BBS9: variants seen among roughly 807,000 people sequenced by gnomAD.
BBS9 encodes Bardet-Biedl syndrome 9.
BBS9 carries 89 observed loss-of-function variants against 117.7 expected under a neutral mutation model. The ratio of observed to expected loss-of-function variants is 0.76; its 90% CI spans 0.64 to 0.90. The LOEUF (loss-of-function observed/expected upper bound fraction) is 0.90, where lower values mean the gene tolerates loss of function less well. Among genes scored for constraint, BBS9 ranks in the 40% least tolerant of loss-of-function variants. The probability of loss-of-function intolerance (pLI) is 0.00; values close to 1 mark genes in which losing one functional copy is unlikely to be tolerated. For synonymous variants in BBS9, 379 were observed against 370.9 expected (o/e 1.02, Z -0.25); for missense variants, 982 against 1,042.2 (o/e 0.94, Z 0.80).
At chr7:33,619,149 G>A (rs1186194089) in intron 21 of BBS9, among the ~76,000 whole-genome samples, 1 of 151,846 alleles carries the variant, frequency 6.6e-6, no homozygotes, top group Non-Finnish European at 1.5e-5. Flanking sequence ...TGAAAATGAA[G>A]GAATGAAAAA....
intron 21 of BBS9, among the ~76,000 whole-genome samples, chr7:33,579,643 C>G (rs1157538987): frequency 6.6e-6 from 1 of 152,064 alleles, no homozygotes; most frequent in Non-Finnish European, 1.5e-5. Flanking sequence ...AACAACCAGA[C>G]TTCAGAATCC....
chr7:33,460,973 T>C (rs1460831532), intron 19 of BBS9, among the ~76,000 whole-genome samples: 1 of 152,090 alleles, frequency 6.6e-6, no homozygotes, highest in East Asian at 1.9e-4. Context: ...TTCATATAAT[T>C]GGAATTATAC....
rs35454084 is a variant in BBS9 at position 33,328,993 on chromosome 7, T to TTTTATTTATTTATTTATTTA, written c.1017-7432_1017-7413dup. On this transcript the variant is annotated intron_variant, in intron 9 of 22. Transcript: ENST00000242067. ...TTAAAAAAGGATAAGGTTTTCCTTC[T>TTTTATTTATTTATTTATTTA]TTTATTTATTTATTTATTTATTTAT... Among the ~76,000 whole-genome samples the TTTTATTTATTTATTTATTTA allele has an allele frequency of 3.6e-4, 52 of 145,442 alleles. 1 individual carries two copies. Among genetic ancestry groups the TTTTATTTATTTATTTATTTA allele is most frequent in the South Asian group, 1.1e-3 (5 of 4,594 alleles).
chr7:33,430,131 C>A (rs1479573339), intron 19 of BBS9, among the ~76,000 whole-genome samples: 1 of 152,168 alleles, frequency 6.6e-6, no homozygotes, highest in Non-Finnish European at 1.5e-5. Context: ...AATAAGCAGA[C>A]TAACACAGAT....
intron 20 of BBS9, among the ~76,000 whole-genome samples, chr7:33,521,368 T>C (rs980027061): frequency 1.3e-5 from 2 of 152,220 alleles, no homozygotes; most frequent in Non-Finnish European, 2.9e-5. Flanking sequence ...TTTCATCCAA[T>C]AGGAGGCAGT....
chr7:33,629,213 G>A (rs1176665627), intron 21 of BBS9, among the ~76,000 whole-genome samples: 3 of 152,164 alleles, frequency 2.0e-5, no homozygotes, highest in South Asian at 2.1e-4. Context: ...GCAAAAACAC[G>A]AATGAGGAGA....
chr7:33,483,088 A>G (rs1025607193), intron 19 of BBS9, among the ~76,000 whole-genome samples: 27 of 150,002 alleles, frequency 1.8e-4, no homozygotes, highest in African/African-American at 6.5e-4. Context: ...TGAAGAATAA[A>G]CACCTTTTCT....
chr7:33,347,685 T>C (rs1817857075), intron 12 of BBS9, among the ~76,000 whole-genome samples: 2 of 151,890 alleles, frequency 1.3e-5, no homozygotes, highest in African/African-American at 4.8e-5. Context: ...CTGAATCTAA[T>C]TATGTGTTCA....
chr7:33,230,696 A>C (rs75318693), intron 5 of BBS9, among the ~76,000 whole-genome samples: 5,788 of 152,248 alleles, frequency 0.038, 198 homozygotes, highest in African/African-American at 0.089. Context: ...TTCCTGAGTT[A>C]CTTCACTAAG....
intron 9 of BBS9, among the ~76,000 whole-genome samples, chr7:33,332,591 C>T (rs530022760): frequency 1.3e-5 from 2 of 152,036 alleles, no homozygotes; most frequent in African/African-American, 4.8e-5. Flanking sequence ...GCAGGAGAAT[C>T]GCTTGAACCC....
chr7:33,519,814 G>C (rs1848338875), intron 20 of BBS9, among the ~76,000 whole-genome samples: 1 of 152,032 alleles, frequency 6.6e-6, no homozygotes, highest in Admixed American at 6.6e-5. Context: ...GGGCCACAGT[G>C]GTCAAGTGTG....
At chr7:33,210,106 T>C (rs928945842) in intron 5 of BBS9, among the ~76,000 whole-genome samples, 1 of 152,228 alleles carries the variant, frequency 6.6e-6, no homozygotes, top group African/African-American at 2.4e-5. Flanking sequence ...TTTTCATTTG[T>C]TTCAAGAACT....
intron 20 of BBS9, among the ~76,000 whole-genome samples, chr7:33,519,234 AC>A (rs1848252347): frequency 6.6e-6 from 1 of 152,132 alleles, no homozygotes; most frequent in Non-Finnish European, 1.5e-5. Context: ...AGGAGTTGGT[AC>A]CTTTAGCTTA....
At chr7:33,260,668 A>T (rs549381958) in intron 6 of BBS9, among the ~76,000 whole-genome samples, 10 of 152,350 alleles carry the variant, frequency 6.6e-5, no homozygotes, top group African/African-American at 1.9e-4. Flanking sequence ...AGTCAAATAG[A>T]CGTGCCTCTT....
chr7:33,511,800 G>A (rs1407027021), intron 20 of BBS9, among the ~76,000 whole-genome samples: 1 of 152,190 alleles, frequency 6.6e-6, no homozygotes, highest in African/African-American at 2.4e-5. Flanking sequence ...CTATTGTGTG[G>A]AGGGAATTAT....
intron 15 of BBS9, among the ~76,000 whole-genome samples, chr7:33,353,459 A>C (rs550585184): frequency 6.6e-6 from 1 of 152,124 alleles, no homozygotes; most frequent in South Asian, 2.1e-4. Flanking sequence ...GATTCTGATC[A>C]CAATATGAAC....
intron 19 of BBS9, among the ~76,000 whole-genome samples, chr7:33,398,277 G>A (rs1019294136): frequency 6.6e-5 from 10 of 152,170 alleles, no homozygotes; most frequent in Non-Finnish European, 1.3e-4. Flanking sequence ...TGAGGGAGCC[G>A]TTTTCTCTTT....
chr7:33,567,220 G>A (rs1159931291), intron 21 of BBS9, among the ~76,000 whole-genome samples: 1 of 152,118 alleles, frequency 6.6e-6, no homozygotes, highest in Admixed American at 6.5e-5. Context: ...TGCTCTTTAT[G>A]TGACCTGAAA....
intron 19 of BBS9, among the ~76,000 whole-genome samples, chr7:33,439,901 G>A (rs1835907706): frequency 6.6e-6 from 1 of 152,328 alleles, no homozygotes; most frequent in South Asian, 2.1e-4. Context: ...GATACCTAGG[G>A]TAGGGCACAA....
Sources: allele counts gnomAD v4.1 joint callset (sites outside exome capture counted in the v4.1 genomes callset), GRCh38; gene constraint gnomAD v4.1.1; transcripts MANE v1.5; gene names NCBI Gene and HGNC (gene_info 2026-07-23, HGNC 2026-07-21).